The following CFTR variants were observed in gnomAD, a reference collection of about 807,000 sequenced individuals.
The protein encoded by CFTR is cystic fibrosis transmembrane conductance regulator.
A neutral mutation model predicts 171.6 loss-of-function variants in CFTR; 181 were observed. The observed-to-expected ratio is 1.05, with a 90% CI of 0.93 to 1.19. The LOEUF is 1.19. Ranked by LOEUF, CFTR falls within the 50% of genes most tolerant of loss-of-function variation. The pLI is 0.00. For missense variants in CFTR, 1,968 were observed against 1,734.7 expected, an observed-to-expected ratio of 1.13 and a Z score of -2.39; for synonymous variants, 583 against 608.0, an observed-to-expected ratio of 0.96 and a Z score of 0.60.
intron 1 of CFTR, among the ~76,000 whole-genome samples, chr7:117,483,881 A>G (rs1019601353): frequency 6.6e-6 from 1 of 152,168 alleles, no homozygotes; most frequent in Admixed American, 6.5e-5. Flanking sequence ...GTCAGCCTAA[A>G]GACAGTGCTT....
chr7:117,497,370 A>G (rs1161964460), intron 1 of CFTR, among the ~76,000 whole-genome samples: 2 of 152,158 alleles, frequency 1.3e-5, no homozygotes, highest in Non-Finnish European at 2.9e-5. Flanking sequence ...TGAAAATTAA[A>G]CCAAAGCCAA....
intron 1 of CFTR, among the ~76,000 whole-genome samples, chr7:117,501,747 C>CAAAAAAAAAAAAAAAAAAAAAAAGAAAA (rs1798330251): frequency 2.3e-5 from 1 of 43,900 alleles, no homozygotes; most frequent in Non-Finnish European, 4.8e-5. Context: ...AACTCTGTCT[C>CAAAAAAAAAAAAAAAAAAAAAAAGAAAA]AAAAAAAAAA....
In CFTR at chr7:117,628,008, A is replaced by T. The variant is rs188956584; in HGVS notation, c.3717+238A>T. ...TGTGATTGTACTTGCAGAATATCTAATTAATTGCTAGGTTAATAACTAAAG... is the reference window on the plus strand; with the variant it reads ...TGTGATTGTACTTGCAGAATATCTATTTAATTGCTAGGTTAATAACTAAAG... On this transcript the variant is annotated intron_variant, in intron 22 of 26. Transcript: ENST00000003084. 1.5e-5 allele frequency: 6 copies of T among 411,830 alleles called. No individual in the cohort carries two copies. In the Admixed American group the frequency reaches 2.0e-4, roughly 14 times the overall value. The allele number at this position is 411,830 out of a possible 1,614,324, so 25.5% of individuals were successfully genotyped here.
At chr7:117,647,044 C>T (rs1383887170) in intron 23 of CFTR, among the ~76,000 whole-genome samples, 2 of 152,088 alleles carry the variant, frequency 1.3e-5, no homozygotes, top group Non-Finnish European at 2.9e-5. Context: ...CTATTTGTTA[C>T]AAACCTTAAA....
chr7:117,512,038 T>C (rs975135530), intron 3 of CFTR, among the ~76,000 whole-genome samples: 7 of 152,202 alleles, frequency 4.6e-5, no homozygotes, highest in Admixed American at 2.0e-4. Flanking sequence ...CTCTTAGAAA[T>C]AGATGGTCAT....
intron 10 of CFTR, among the ~76,000 whole-genome samples, chr7:117,550,678 G>A (rs1375446921): frequency 6.6e-6 from 1 of 152,130 alleles, no homozygotes; most frequent in Non-Finnish European, 1.5e-5. Flanking sequence ...TTCTATGATA[G>A]ATGTGCAAAA....
chr7:117,539,956 T>C, intron 7 of CFTR, 144 bp from the exon 8 acceptor site: 1 of 668,606 alleles, frequency 1.5e-6, no homozygotes. Flanking sequence ...ATGCCCAAGG[T>C]CACACAGGTC....
chr7:117,500,963 G>C (rs1798316817), intron 1 of CFTR, among the ~76,000 whole-genome samples: 1 of 152,144 alleles, frequency 6.6e-6, no homozygotes, highest in Admixed American at 6.5e-5. Context: ...CTCACAAATT[G>C]TGTTACTTTG....
intron 1 of CFTR, among the ~76,000 whole-genome samples, chr7:117,490,537 C>T (rs1798144355): frequency 6.6e-6 from 1 of 151,928 alleles, no homozygotes. Flanking sequence ...AGGCCTTCAA[C>T]CGATTGGATG....
intron 1 of CFTR, among the ~76,000 whole-genome samples, chr7:117,492,038 A>G (rs1264823717): frequency 1.3e-5 from 2 of 152,110 alleles, no homozygotes; most frequent in African/African-American, 4.8e-5. Flanking sequence ...GAACAATCCA[A>G]GAAGGTCATA....
intron 15 of CFTR, among the ~76,000 whole-genome samples, chr7:117,595,513 AAAGAT>A (rs1792106362): frequency 6.6e-6 from 1 of 151,110 alleles, no homozygotes; most frequent in Admixed American, 6.6e-5. Flanking sequence ...ATTTAAATAT[AAAGAT>A]AAGAGTTTTT....
At chr7:117,555,128 C>T (rs889740871) in intron 10 of CFTR, among the ~76,000 whole-genome samples, 4 of 150,720 alleles carry the variant, frequency 2.7e-5, no homozygotes, top group African/African-American at 2.4e-5. Context: ...CTAGAAATAC[C>T]GAGAAAATTA....
At chr7:117,542,515 C>A (rs1799073159) in intron 9 of CFTR, among the ~76,000 whole-genome samples, 1 of 151,584 alleles carries the variant, frequency 6.6e-6, no homozygotes, top group Non-Finnish European at 1.5e-5. Flanking sequence ...CCACTGCACT[C>A]CAGCCTGGGC....
At chr7:117,610,153 G>A (rs932658334) in intron 18 of CFTR, among the ~76,000 whole-genome samples, 1 of 142,990 alleles carries the variant, frequency 7.0e-6, no homozygotes, top group South Asian at 2.3e-4. Flanking sequence ...ACCAAACACC[G>A]CATATTCTCA....
intron 11 of CFTR, among the ~76,000 whole-genome samples, chr7:117,577,093 G>T (rs920021404): frequency 6.6e-6 from 1 of 152,100 alleles, no homozygotes; most frequent in African/African-American, 2.4e-5. Context: ...AATTTTTATT[G>T]ATCTTGAAAG....
At position 117,559,549 on chromosome 7, in the gene CFTR, A is replaced by C. The variant is rs397508214; in HGVS notation, c.1478A>C (p.Gln493Pro). Residue 493 changes from glutamine (Q) to proline (P), a missense_variant, in exon 11 of 27, where the codon CAG becomes CCG. Transcript: ENST00000003084. Reference protein sequence around the residue: ...KHSGRISFCSQFSWIMPGTIK... With the variant: ...KHSGRISFCSPFSWIMPGTIK... ...AGTGGAAGAATTTCATTCTGTTCTC[A>C]GTTTTCCTGGATTATGCCTGGCACC... The C allele has an allele frequency of 6.2e-7, 1 of 1,611,988 alleles. No homozygotes were observed. Among genetic ancestry groups the C allele is most frequent in the South Asian group, 1.1e-5 (1 of 91,032 alleles).
intron 11 of CFTR, among the ~76,000 whole-genome samples, chr7:117,566,829 A>G (rs17140174): frequency 0.051 from 7,761 of 152,304 alleles, 669 homozygotes; most frequent in African/African-American, 0.18. Flanking sequence ...GTTTGCAGTC[A>G]AAGTGAAAAT....
chr7:117,578,395 A>G (rs574694666), intron 11 of CFTR, among the ~76,000 whole-genome samples: 3 of 152,298 alleles, frequency 2.0e-5, no homozygotes, highest in Non-Finnish European at 4.4e-5. Context: ...TATTGTAATA[A>G]TATAGTATAT....
chr7:117,649,519 A>AT (rs35134989), intron 23 of CFTR, among the ~76,000 whole-genome samples: 193 of 103,656 alleles, frequency 1.9e-3, no homozygotes, highest in East Asian at 0.012. Flanking sequence ...ATATATATAT[A>AT]TTTTTTTTTT....
Sources: gnomAD v4.1 joint callset for allele counts (sites outside exome capture counted in the v4.1 genomes callset) on GRCh38, gnomAD v4.1.1 for gene constraint, MANE v1.5 for transcripts, NCBI Gene and HGNC (gene_info 2026-07-23, HGNC 2026-07-21) for gene names.